The following ZNF234 variants were observed in gnomAD, a reference collection of about 807,000 sequenced individuals.
ZNF234 encodes the protein zinc finger protein 234, also known as C2-H2 type zinc finger protein.
A neutral mutation model predicts 10.3 loss-of-function variants in ZNF234; 4 were observed. The observed-to-expected ratio is 0.39, with a 90% CI of 0.19 to 0.89. The LOEUF (loss-of-function observed/expected upper bound fraction) is 0.89, where lower values mean the gene tolerates loss of function less well. ZNF234 is among the 40% of genes least tolerant of loss of function. The pLI, the probability that ZNF234 is intolerant of heterozygous loss-of-function variation, is 0.38. For missense variants in ZNF234, 711 were observed against 836.1 expected, an observed-to-expected ratio of 0.85 and a Z score of 1.85; for synonymous variants, 258 against 280.1, an observed-to-expected ratio of 0.92 and a Z score of 0.79.
intron 3 of ZNF234, among the ~76,000 whole-genome samples, chr19:44,146,372 T>C (rs1488112618): frequency 6.6e-6 from 1 of 152,198 alleles, no homozygotes; most frequent in African/African-American, 2.4e-5. Flanking sequence ...GTATTTCTAG[T>C]TCTAGATCCC....
At chr19:44,154,841 T>TACA (rs1329467151) in intron 5 of ZNF234, among the ~76,000 whole-genome samples, 2 of 152,092 alleles carry the variant, frequency 1.3e-5, no homozygotes, top group Non-Finnish European at 2.9e-5. Flanking sequence ...CTTGCTATGT[T>TACA]GCCCAGGCTG....
Position 44,157,703 on chromosome 19 carries a change from A to G in ZNF234, c.1687A>G (p.Thr563Ala), listed in dbSNP as rs750289477. 3.7e-6 allele frequency: 6 copies of G among 1,614,150 alleles called. No homozygotes were observed. The highest frequency in any genetic ancestry group is 5.1e-6 in the Non-Finnish European group (6 of 1,180,022). The change falls in exon 6 of 6, where the codon ACT becomes GCT. Residue 563 changes from threonine to alanine, a missense_variant. Thr to Ala is a moderately conservative substitution (Grantham distance 58). Transcript: ENST00000426739. ...CCTTCAAGCCCATCAAAAAGTCCAC[A>G]CTGGAGAAAAGCCATACAAATGTGG... ...AHLQAHQKVHTGEKPYKCGEC... is the reference protein window; with the variant it reads ...AHLQAHQKVHAGEKPYKCGEC...
chr19:44,142,157 T>G (rs1968480913), intron 1 of ZNF234, 157 bp from the exon 2 acceptor site: 1 of 152,248 alleles, frequency 6.6e-6, no homozygotes, highest in African/African-American at 2.4e-5. Context: ...AGCCCTTATC[T>G]CTGATCCCTG....
At chr19:44,154,614 T>C (rs531006561) in intron 5 of ZNF234, among the ~76,000 whole-genome samples, 1 of 142,574 alleles carries the variant, frequency 7.0e-6, no homozygotes, top group South Asian at 2.1e-4. Flanking sequence ...GGAGGTAGAT[T>C]TTTTTCTCTT....
rs1968984769 is a variant in ZNF234, at chr19:44,159,368, G to A, written c.*1249G>A. On this transcript the variant is annotated 3_prime_UTR_variant, in exon 6 of 6. Coordinates refer to ENST00000426739, the MANE Select transcript of ZNF234 (RefSeq NM_006630.3). ...ATTTTTGTATGTTTGGTAGAGAAAG[G>A]GTTTCACCACATTGCCCAGGCTGGT... 1.4e-5 allele frequency: 3 copies of A among 214,746 alleles called. No individual in the cohort carries two copies. Among genetic ancestry groups the A allele is most frequent in the Admixed American group, 5.0e-5 (1 of 20,042 alleles). 13.3% of individuals were successfully genotyped at this position (214,746 alleles called of 1,614,324 possible).
intron 3 of ZNF234, among the ~76,000 whole-genome samples, chr19:44,147,348 C>T (rs1245498695): frequency 2.0e-5 from 3 of 150,496 alleles, no homozygotes; most frequent in African/African-American, 4.9e-5. Context: ...GCAATTCTCT[C>T]GCCTCAGCCT....
chr19:44,146,550 GGTAA>G (rs1404900835), intron 3 of ZNF234, among the ~76,000 whole-genome samples: 2 of 152,080 alleles, frequency 1.3e-5, no homozygotes, highest in Admixed American at 1.3e-4. Flanking sequence ...TGAGGTTTTT[GGTAA>G]GTGTTTTAGT....
At chr19:44,154,810 GT>G (rs1337298755) in intron 5 of ZNF234, among the ~76,000 whole-genome samples, 1 of 151,716 alleles carries the variant, frequency 6.6e-6, no homozygotes, top group Non-Finnish European at 1.5e-5. Flanking sequence ...TTTTTTAAAA[GT>G]TTTTTTGTAG....
intron 5 of ZNF234, among the ~76,000 whole-genome samples, chr19:44,155,851 C>T (rs1005195217): frequency 2.0e-5 from 3 of 152,110 alleles, no homozygotes; most frequent in African/African-American, 7.2e-5. Flanking sequence ...TCCTTCTGCC[C>T]CAGCCTCCCA....
intron 3 of ZNF234, 152 bp from the exon 4 acceptor site, chr19:44,148,619 T>G: frequency 1.9e-6 from 2 of 1,053,982 alleles, no homozygotes; most frequent in South Asian, 1.3e-5. Context: ...AGTGTGGCAT[T>G]GGTAAGATGG....
intron 5 of ZNF234, 106 bp downstream of exon 5, chr19:44,150,611 G>A: frequency 2.4e-6 from 2 of 845,958 alleles, no homozygotes; most frequent in Non-Finnish European, 1.8e-6. Flanking sequence ...CCTCTGTCCT[G>A]GATGATTGCA....
chr19:44,148,666 T>C, intron 3 of ZNF234, 105 bp from the exon 4 acceptor site: 1 of 1,513,314 alleles, frequency 6.6e-7, no homozygotes, highest in Non-Finnish European at 9.1e-7. Context: ...ATTAAGTCTC[T>C]GAAAATCTGG....
At chr19:44,142,220 G>A (rs997808748) in intron 1 of ZNF234, 94 bp from the exon 2 acceptor site, 1 of 152,254 alleles carries the variant, frequency 6.6e-6, no homozygotes, top group Non-Finnish European at 1.5e-5. Flanking sequence ...GGCAGGCGAG[G>A]GTTGCGTCCA....
At position 44,149,445 on chromosome 19, in the gene ZNF234, C is replaced by G. The variant is rs1189554933; in HGVS notation, c.142+548C>G. Among the ~76,000 whole-genome samples, 5 of 144,368 alleles carry G rather than the reference C, an allele frequency of 3.5e-5. No homozygotes were observed. The East Asian group carries it at 1.0e-3, about 29-fold the overall frequency. 94.7% of individuals were successfully genotyped at this position (144,368 alleles called of 152,430 possible). A position where few individuals can be genotyped will look rare whatever the true frequency, so the allele number is the denominator to read the frequency against. On this transcript the variant is annotated intron_variant, in intron 4 of 5. Coordinates refer to ENST00000426739, the MANE Select transcript of ZNF234 (RefSeq NM_006630.3). ...CCTGGGTGACAGAGTGAGACTGTCTCAAAAAAAAAAGACATTGGTTAGAAA... is the reference window on the plus strand; with the variant it reads ...CCTGGGTGACAGAGTGAGACTGTCTGAAAAAAAAAAGACATTGGTTAGAAA...
rs1436180432 is a variant in ZNF234, at chr19:44,157,567, T to C, written c.1551T>C (p.Cys517=). 1.2e-6 allele frequency: 2 copies of C among 1,614,158 alleles called. No homozygotes were observed. The highest frequency in any genetic ancestry group is 1.1e-5 in the South Asian group (1 of 91,082). ...AGAAACCATATAATTGTGAGGAGTG[T>C]GGGAAGGTCTTCAGTCAGGCCTCGC... ...TGEKPYNCEE[C]GKVFSQASHL... is the part of the protein sequence containing the mutation. Residue 517 remains cysteine, a synonymous_variant, in exon 6 of 6, where the codon TGT becomes TGC. Transcript: ENST00000426739.
At chr19:44,154,798 A>AT (rs1360116643) in intron 5 of ZNF234, among the ~76,000 whole-genome samples, 2 of 151,724 alleles carry the variant, frequency 1.3e-5, no homozygotes, top group Admixed American at 6.6e-5. Context: ...CATCTGGCCA[A>AT]TTTTTTTAAA....
intron 5 of ZNF234, among the ~76,000 whole-genome samples, chr19:44,154,289 T>C (rs1203923285): frequency 6.8e-6 from 1 of 147,244 alleles, no homozygotes; most frequent in Non-Finnish European, 1.5e-5. Flanking sequence ...TTGTGAAAGA[T>C]TGGAGTCTAC....
chr19:44,154,956 A>G (rs1365019771), intron 5 of ZNF234, among the ~76,000 whole-genome samples: 1 of 152,050 alleles, frequency 6.6e-6, no homozygotes, highest in Non-Finnish European at 1.5e-5. Context: ...CTTTTAAATG[A>G]CTATTCCTGC....
chr19:44,157,961 G>GA lies in ZNF234; in HGVS notation c.1950dup (p.Pro651ThrfsTer5). The stretch of plus-strand genomic sequence containing the variant: ...GTATCATAGGCGAGTTCACACTGGG[G>GA]AAAAACCTTACAAATGTGAGATATG... On this transcript the variant is annotated frameshift_variant, in exon 6 of 6. Coordinates refer to ENST00000426739, the MANE Select transcript of ZNF234 (RefSeq NM_006630.3). LOFTEE classifies it low-confidence loss of function (END_TRUNC). 2 of 1,613,944 alleles carry GA rather than the reference G, an allele frequency of 1.2e-6. No individual in the cohort carries two copies. Among genetic ancestry groups the GA allele is most frequent in the African/African-American group, 1.3e-5 (1 of 75,022 alleles).
Sources: allele counts gnomAD v4.1 joint callset (sites outside exome capture counted in the v4.1 genomes callset), GRCh38; gene constraint gnomAD v4.1.1; transcripts MANE v1.5; gene names NCBI Gene and HGNC (gene_info 2026-07-23, HGNC 2026-07-21).